The following GK variants were observed in gnomAD, a reference collection of about 807,000 sequenced individuals.
The protein encoded by GK is glycerol kinase, also known as ATP:glycerol 3-phosphotransferase.
In GK, 9 loss-of-function variants were observed where a neutral mutation model predicts 56.4. That is an observed-to-expected ratio of 0.16 (90% CI 0.10 to 0.28). The LOEUF (loss-of-function observed/expected upper bound fraction) is 0.28, where lower values mean the gene tolerates loss of function less well. Ranked by LOEUF, GK falls within the 10% of genes least tolerant of loss-of-function variation. The probability of loss-of-function intolerance (pLI) is 1.00; values close to 1 mark genes in which losing one functional copy is unlikely to be tolerated. For synonymous variants in GK, 104 were observed against 144.1 expected (o/e 0.72, Z 1.99); for missense variants, 161 against 431.4 (o/e 0.37, Z 5.55).
intron 3 of GK, among the ~76,000 whole-genome samples, chrX:30,671,056 G>A (rs1164472363): frequency 9.3e-6 from 1 of 107,017 alleles, no homozygotes; most frequent in Non-Finnish European, 1.9e-5. Context: ...TTGGGAGGTC[G>A]AGGCAGGCAG....
intron 4 of GK, chrX:30,689,462 T>G (rs1934808258): frequency 9.2e-6 from 3 of 326,235 alleles, no homozygotes; most frequent in Non-Finnish European, 1.8e-5. Flanking sequence ...CTTTTGCTCT[T>G]GGAAGCAGCA....
intron 1 of GK, among the ~76,000 whole-genome samples, chrX:30,661,984 A>G (rs989365113): frequency 8.9e-6 from 1 of 112,383 alleles, no homozygotes; most frequent in Non-Finnish European, 1.9e-5. Context: ...CCTTCTTTGT[A>G]CATTTGGCCA....
At chrX:30,685,708 C>T (rs1043379885) in intron 4 of GK, among the ~76,000 whole-genome samples, 3 of 111,971 alleles carry the variant, frequency 2.7e-5, no homozygotes, top group Non-Finnish European at 3.8e-5. Context: ...TTATTTTTAT[C>T]CCGTTAAGAC....
rs757519595 is a variant in GK, at chrX:30,658,320, T to G, written c.78+4705T>G. On this transcript the variant is annotated intron_variant, in intron 1 of 20. Coordinates refer to ENST00000427190, the MANE Select transcript of GK (RefSeq NM_001205019.2). Reference sequence around the variant, plus strand: ...ATAAGTAGAGTTGTGATTCTTTTTGTTTTTTTTTTTTCTGAGACGGAGTCT... The same window carrying G: ...ATAAGTAGAGTTGTGATTCTTTTTGGTTTTTTTTTTTCTGAGACGGAGTCT... Among the ~76,000 whole-genome samples the G allele has an allele frequency of 3.8e-5, 4 of 104,839 alleles. No homozygotes were observed. In the South Asian group the frequency reaches 1.2e-3, roughly 32 times the overall value. The allele number at this position is 104,839 out of a possible 115,157, so 91.0% of individuals were successfully genotyped here.
chrX:30,722,694 C>T (rs1936960551), intron 18 of GK, among the ~76,000 whole-genome samples: 1 of 111,963 alleles, frequency 8.9e-6, no homozygotes, highest in African/African-American at 3.2e-5. Context: ...TTCTTATCTT[C>T]TTTTGCCCTT....
chrX:30,705,934 T>C (rs1311511727), intron 11 of GK, among the ~76,000 whole-genome samples: 1 of 112,549 alleles, frequency 8.9e-6, no homozygotes, highest in Non-Finnish European at 1.9e-5. Flanking sequence ...ATAGTGTTTA[T>C]ATGGATGCTA....
intron 1 of GK, among the ~76,000 whole-genome samples, chrX:30,662,827 C>CTT (rs1490347449): frequency 3.8e-4 from 5 of 13,222 alleles, no homozygotes; most frequent in African/African-American, 8.1e-4. Context: ...CTCTCTCTCT[C>CTT]TCTCTCTTTC....
chrX:30,728,927 T>C lies in GK; in HGVS notation c.*185T>C. The C allele has an allele frequency of 7.0e-6, 3 of 425,832 alleles. No homozygotes were observed. The highest frequency in any genetic ancestry group is 1.2e-5 in the Non-Finnish European group (3 of 246,368). The allele number at this position is 425,832 out of a possible 1,213,427, so 35.1% of individuals were successfully genotyped here. On this transcript the variant is annotated 3_prime_UTR_variant, in exon 21 of 21. Transcript: ENST00000427190. ...AGAAAATGCAGCAAAAAGAATGCTA[T>C]AGAAATATTTGGTGGTTTTTTTTTT...
chrX:30,665,615 C>T, intron 2 of GK, 31 bp downstream of exon 2: 1 of 866,419 alleles, frequency 1.2e-6, no homozygotes, highest in Non-Finnish European at 1.7e-6. Flanking sequence ...TGTAAAGACA[C>T]ATTATGTTTG....
chrX:30,730,043 G>T lies in GK; in HGVS notation c.*1301G>T, dbSNP rs1192247753. 8.9e-6 allele frequency: 1 copy of T among 111,996 alleles called. No homozygotes were observed. The highest frequency in any genetic ancestry group is 2.8e-4 in the East Asian group (1 of 3,589). The allele number at this position is 111,996 out of a possible 1,213,427, so 9.2% of individuals were successfully genotyped here. A position where few individuals can be genotyped will look rare whatever the true frequency, so the allele number is the denominator to read the frequency against. On this transcript the variant is annotated 3_prime_UTR_variant, in exon 21 of 21. Transcript: ENST00000427190. ...AGTATCTCATTATAACTGAAAGAAG[G>T]TTTATCATTACAAATACCTTCCAAT...
intron 18 of GK, among the ~76,000 whole-genome samples, chrX:30,722,792 G>A (rs1465188908): frequency 9.0e-6 from 1 of 110,758 alleles, no homozygotes; most frequent in Non-Finnish European, 1.9e-5. Context: ...GAGAGAGGGG[G>A]GGATAGAAAT....
At chrX:30,671,781 GCT>G (rs1369790651) in intron 3 of GK, 2 of 111,924 alleles carry the variant, frequency 1.8e-5, no homozygotes, top group Non-Finnish European at 3.8e-5. Flanking sequence ...GGTAGAGTCA[GCT>G]CTGTTTGCCT....
chrX:30,703,341 G>A (rs1935790700), intron 11 of GK, among the ~76,000 whole-genome samples: 1 of 111,807 alleles, frequency 8.9e-6, no homozygotes, highest in African/African-American at 3.3e-5. Context: ...GATGACTGGA[G>A]TTGTCAGTAG....
At chrX:30,657,908 A>G (rs187114517) in intron 1 of GK, among the ~76,000 whole-genome samples, 1 of 112,270 alleles carries the variant, frequency 8.9e-6, no homozygotes, top group East Asian at 2.8e-4. Flanking sequence ...ATACTTATAA[A>G]TTGGTTTTGC....
Position 30,724,086 on chromosome X carries a change from A to G in GK, c.1502-15A>G, listed in dbSNP as rs747856240. On this transcript the variant is annotated splice_polypyrimidine_tract_variant and intron_variant, in intron 18 of 20. Coordinates refer to ENST00000427190, the MANE Select transcript of GK (RefSeq NM_001205019.2). Reference sequence around the variant, plus strand: ...CTACCTTTCGTTATGTGTTTTTTCTACCTTCTAATTCTAGAAAGTGAAATT... The same window carrying G: ...CTACCTTTCGTTATGTGTTTTTTCTGCCTTCTAATTCTAGAAAGTGAAATT... 2.8e-6 allele frequency: 3 copies of G among 1,062,309 alleles called. No individual in the cohort carries two copies. In the Admixed American group the frequency reaches 6.6e-5, roughly 23 times the overall value. The allele number at this position is 1,062,309 out of a possible 1,213,427, so 87.5% of individuals were successfully genotyped here.
intron 13 of GK, among the ~76,000 whole-genome samples, chrX:30,713,110 T>C (rs1936439505): frequency 9.0e-6 from 1 of 111,688 alleles, no homozygotes; most frequent in Admixed American, 9.5e-5. Flanking sequence ...CATTAAGCCA[T>C]ATAGCCTCAG....
rs1169233592 is a variant in GK, at chrX:30,730,018, A to C, written c.*1276A>C. Reference sequence around the variant, plus strand: ...TGGGATGACAGAATTACCTCTGCTTAGTATCTCATTATAACTGAAAGAAGG... The same window carrying C: ...TGGGATGACAGAATTACCTCTGCTTCGTATCTCATTATAACTGAAAGAAGG... On this transcript the variant is annotated 3_prime_UTR_variant, in exon 21 of 21. Transcript: ENST00000427190. The C allele has an allele frequency of 8.9e-6, 1 of 112,479 alleles. No individual in the cohort carries two copies. The highest frequency in any genetic ancestry group is 1.9e-5 in the Non-Finnish European group (1 of 53,203). The allele number at this position is 112,479 out of a possible 1,213,427, so 9.3% of individuals were successfully genotyped here. A position where few individuals can be genotyped will look rare whatever the true frequency, so the allele number is the denominator to read the frequency against.
chrX:30,710,469 A>T (rs752090466), intron 13 of GK, among the ~76,000 whole-genome samples: 1 of 112,152 alleles, frequency 8.9e-6, no homozygotes, highest in East Asian at 2.8e-4. Context: ...ATTTAAAAAA[A>T]ATTAAATTAA....
chrX:30,695,764 C>T (rs774583236), intron 6 of GK, among the ~76,000 whole-genome samples: 5 of 112,027 alleles, frequency 4.5e-5, no homozygotes, highest in South Asian at 3.7e-4. Flanking sequence ...AAAACAAAAC[C>T]GATTTTTTAT....
Sources: gnomAD v4.1 joint callset for allele counts (sites outside exome capture counted in the v4.1 genomes callset) on GRCh38, gnomAD v4.1.1 for gene constraint, MANE v1.5 for transcripts, NCBI Gene and HGNC (gene_info 2026-07-23, HGNC 2026-07-21) for gene names.